TFEC: variants seen among roughly 807,000 people sequenced by gnomAD.
TFEC encodes the protein class E basic helix-loop-helix protein 34.
A neutral mutation model predicts 41.6 loss-of-function variants in TFEC; 31 were observed. The observed-to-expected ratio is 0.74, with a 90% CI of 0.56 to 1.01. The LOEUF is 1.01. TFEC is among the 50% of genes least tolerant of loss of function. The pLI is 0.00. For missense variants in TFEC, 402 were observed against 404.1 expected, an observed-to-expected ratio of 0.99 and a Z score of 0.04; for synonymous variants, 143 against 140.6, an observed-to-expected ratio of 1.02 and a Z score of -0.12.
Position 116,012,782 on chromosome 7 carries a change from A to C in TFEC, c.-73+17851T>G, listed in dbSNP as rs529017770. On this transcript the variant is annotated intron_variant, in intron 1 of 7. Coordinates refer to ENST00000265440, the MANE Select transcript of TFEC (RefSeq NM_012252.4). ...AGTTGAATTTATAACAAAGAAACTT[A>C]TACATTTTCATAAGAATAAAAGGAT... Among the ~76,000 whole-genome samples, 3 of 150,816 alleles carry C rather than the reference A, an allele frequency of 2.0e-5. 1 individual carries two copies. The South Asian group carries it at 6.3e-4, about 32-fold the overall frequency.
intron 1 of TFEC, among the ~76,000 whole-genome samples, chr7:115,985,835 C>A (rs916314705): frequency 6.6e-6 from 1 of 151,926 alleles, no homozygotes; most frequent in African/African-American, 2.4e-5. Context: ...TTTAGGGTAG[C>A]TATTTATATT....
At chr7:115,983,642 G>A (rs1292597144) in intron 2 of TFEC, among the ~76,000 whole-genome samples, 1 of 152,124 alleles carries the variant, frequency 6.6e-6, no homozygotes, top group Non-Finnish European at 1.5e-5. Context: ...AACATTTTCT[G>A]AAGGTTCATT....
chr7:115,996,707 TA>T (rs1478022313), intron 1 of TFEC, among the ~76,000 whole-genome samples: 2 of 151,806 alleles, frequency 1.3e-5, no homozygotes, highest in Non-Finnish European at 2.9e-5. Flanking sequence ...CCCACTGCAC[TA>T]AAGGGAGAGT....
At chr7:115,999,631 T>C (rs541713188) in intron 1 of TFEC, among the ~76,000 whole-genome samples, 9 of 151,474 alleles carry the variant, frequency 5.9e-5, no homozygotes, top group Admixed American at 5.9e-4. Context: ...AAATGAGAGA[T>C]GAAAAAGGAG....
chr7:116,084,118 G>GTAGGGATTCTCCT (rs1390714134), intron 3 of TFEC, among the ~76,000 whole-genome samples: 1 of 151,830 alleles, frequency 6.6e-6, no homozygotes, highest in Non-Finnish European at 1.5e-5. Flanking sequence ...GTCTTTCTTG[G>GTAGGGATTCTCCT]TAGGGATTCT....
At chr7:116,050,012 C>T (rs1170735013) in intron 3 of TFEC, among the ~76,000 whole-genome samples, 1 of 151,960 alleles carries the variant, frequency 6.6e-6, no homozygotes. Context: ...CACTAAATGC[C>T]CACAAGAGAA....
At chr7:116,139,177 T>C (rs1798491123) in intron 1 of TFEC, among the ~76,000 whole-genome samples, 1 of 152,350 alleles carries the variant, frequency 6.6e-6, no homozygotes, top group Non-Finnish European at 1.5e-5. Context: ...TTTCTGCCTC[T>C]CAGGGCAAGA....
At chr7:116,049,803 C>G (rs1796264242) in intron 3 of TFEC, among the ~76,000 whole-genome samples, 1 of 152,152 alleles carries the variant, frequency 6.6e-6, no homozygotes, top group African/African-American at 2.4e-5. Flanking sequence ...TGCAATCAAA[C>G]TAGAACTCAG....
At chr7:115,952,055 AT>A (rs1791975521) in intron 5 of TFEC, among the ~76,000 whole-genome samples, 4 of 152,124 alleles carry the variant, frequency 2.6e-5, no homozygotes. Context: ...AACAGTTCAC[AT>A]TTGAGAATTA....
chr7:116,110,623 G>T (rs1388042224), intron 3 of TFEC: 2 of 989,392 alleles, frequency 2.0e-6, no homozygotes, highest in East Asian at 3.3e-5. Flanking sequence ...TCAATTTTTT[G>T]AGTACAATTA....
intron 1 of TFEC, among the ~76,000 whole-genome samples, chr7:116,148,457 G>A (rs1798688088): frequency 6.6e-6 from 1 of 152,128 alleles, no homozygotes; most frequent in Non-Finnish European, 1.5e-5. Context: ...GCAATGGAGT[G>A]GTGAGAAGTG....
Position 115,974,405 on chromosome 7 carries a change from A to AC in TFEC, c.181-150_181-149insG, listed in dbSNP as rs1793276174. ...ATATACATATATATAAAACCTCAAT[A>AC]TTATATATATATATATATATATATA... On this transcript the variant is annotated intron_variant, in intron 2 of 7. Transcript: ENST00000265440. The AC allele has an allele frequency of 8.8e-5, 6 of 68,340 alleles. No homozygotes were observed. The South Asian group carries it at 3.6e-3, about 41-fold the overall frequency. 4.2% of individuals were successfully genotyped at this position (68,340 alleles called of 1,614,324 possible).
chr7:115,957,616 A>ACT (rs1792304203), intron 3 of TFEC, among the ~76,000 whole-genome samples: 1 of 151,926 alleles, frequency 6.6e-6, no homozygotes, highest in Admixed American at 6.6e-5. Flanking sequence ...ATTCCAGAAC[A>ACT]AGCTGCATTC....
At chr7:115,981,594 C>T (rs1793632892) in intron 2 of TFEC, among the ~76,000 whole-genome samples, 1 of 152,060 alleles carries the variant, frequency 6.6e-6, no homozygotes, top group South Asian at 2.1e-4. Context: ...AATTAACAGA[C>T]TAAAAGATAA....
At chr7:115,950,639 GA>G (rs985783656) in intron 6 of TFEC, among the ~76,000 whole-genome samples, 2 of 152,052 alleles carry the variant, frequency 1.3e-5, no homozygotes, top group Non-Finnish European at 2.9e-5. Context: ...ATGAACTGAG[GA>G]AAAATAACTT....
intron 1 of TFEC, among the ~76,000 whole-genome samples, chr7:115,996,300 A>C (rs886866694): frequency 6.6e-6 from 1 of 152,114 alleles, no homozygotes; most frequent in Non-Finnish European, 1.5e-5. Flanking sequence ...TGCAGAGCCT[A>C]GCTCATGGCC....
At chr7:115,983,484 C>T (rs1474329087) in intron 2 of TFEC, among the ~76,000 whole-genome samples, 2 of 151,920 alleles carry the variant, frequency 1.3e-5, no homozygotes. Context: ...GGAGATTAAA[C>T]CTGGGAGATC....
At chr7:115,982,397 C>T (rs1793667770) in intron 2 of TFEC, among the ~76,000 whole-genome samples, 1 of 152,182 alleles carries the variant, frequency 6.6e-6, no homozygotes, top group Admixed American at 6.6e-5. Flanking sequence ...AGACTATACA[C>T]TTTCTGCCTT....
chr7:115,989,893 G>T (rs373553592), intron 1 of TFEC, among the ~76,000 whole-genome samples: 147 of 152,136 alleles, frequency 9.7e-4, no homozygotes, highest in Admixed American at 1.6e-3. Flanking sequence ...CTCCCAGCAC[G>T]GAGTCTGAGA....
Sources: gnomAD v4.1 joint callset for allele counts (sites outside exome capture counted in the v4.1 genomes callset) on GRCh38, gnomAD v4.1.1 for gene constraint, MANE v1.5 for transcripts, NCBI Gene and HGNC (gene_info 2026-07-23, HGNC 2026-07-21) for gene names.